Variants in USP46 observed in about 807,000 individuals in gnomAD.
The protein encoded by USP46 is ubiquitin specific peptidase 46.
USP46 carries 12 observed loss-of-function variants against 44.4 expected under a neutral mutation model. The observed-to-expected ratio is 0.27, with a 90% CI of 0.17 to 0.44. The LOEUF (loss-of-function observed/expected upper bound fraction) is 0.44, where lower values mean the gene tolerates loss of function less well. Among genes scored for constraint, USP46 ranks in the 20% least tolerant of loss-of-function variants. The pLI is 1.00. For missense variants in USP46, 248 were observed against 444.8 expected, an observed-to-expected ratio of 0.56 and a Z score of 3.98; for synonymous variants, 155 against 161.5, an observed-to-expected ratio of 0.96 and a Z score of 0.31.
chr4:52,634,685 A>T (rs1157026289), intron 1 of USP46, among the ~76,000 whole-genome samples: 2 of 151,946 alleles, frequency 1.3e-5, no homozygotes, highest in East Asian at 3.9e-4. Flanking sequence ...TCGGCCTCCC[A>T]AAGTGCTGGG....
chr4:52,616,263 T>A (rs1480579447), intron 4 of USP46, among the ~76,000 whole-genome samples: 2 of 152,222 alleles, frequency 1.3e-5, no homozygotes, highest in African/African-American at 4.8e-5. Flanking sequence ...CACAGGGCTG[T>A]CCCCAACAAC....
At chr4:52,642,776 T>C (rs1375626338) in intron 1 of USP46, among the ~76,000 whole-genome samples, 1 of 152,132 alleles carries the variant, frequency 6.6e-6, no homozygotes, top group South Asian at 2.1e-4. Flanking sequence ...AAACAAATAA[T>C]GTCAACTTTT....
chr4:52,618,040 G>A (rs1717230198), intron 4 of USP46, among the ~76,000 whole-genome samples: 1 of 152,156 alleles, frequency 6.6e-6, no homozygotes, highest in Non-Finnish European at 1.5e-5. Context: ...ATTACAGAAA[G>A]GGTATACCTT....
intron 5 of USP46, among the ~76,000 whole-genome samples, chr4:52,605,421 C>T (rs1716649638): frequency 6.6e-6 from 1 of 152,200 alleles, no homozygotes; most frequent in Non-Finnish European, 1.5e-5. Flanking sequence ...AAAAGAACAT[C>T]TGGACTAATA....
intron 1 of USP46, among the ~76,000 whole-genome samples, chr4:52,634,054 C>A (rs1489603106): frequency 6.6e-6 from 1 of 152,166 alleles, no homozygotes; most frequent in Non-Finnish European, 1.5e-5. Context: ...GGGCCCTGAT[C>A]CTTGGCGCTG....
At chr4:52,636,440 G>T (rs1331555984) in intron 1 of USP46, among the ~76,000 whole-genome samples, 2 of 152,040 alleles carry the variant, frequency 1.3e-5, no homozygotes, top group South Asian at 2.1e-4. Flanking sequence ...AGGCGCGGTG[G>T]CTCACGTCTG....
At chr4:52,653,308 C>A (rs913949799) in intron 1 of USP46, among the ~76,000 whole-genome samples, 2 of 151,832 alleles carry the variant, frequency 1.3e-5, no homozygotes, top group African/African-American at 2.4e-5. Context: ...GAGTTTGAGA[C>A]CAGCCTGGCC....
intron 1 of USP46, among the ~76,000 whole-genome samples, chr4:52,646,309 A>T (rs1348995850): frequency 6.6e-6 from 1 of 152,204 alleles, no homozygotes; most frequent in Non-Finnish European, 1.5e-5. Flanking sequence ...CTGGGTCAGT[A>T]TTGCACCATC....
At chr4:52,641,288 G>A (rs1718332283) in intron 1 of USP46, among the ~76,000 whole-genome samples, 1 of 152,068 alleles carries the variant, frequency 6.6e-6, no homozygotes, top group Non-Finnish European at 1.5e-5. Flanking sequence ...AGTAAAAAAC[G>A]TAGTAACCTT....
chr4:52,617,032 T>C (rs1038700839), intron 4 of USP46, among the ~76,000 whole-genome samples: 2 of 152,200 alleles, frequency 1.3e-5, no homozygotes, highest in African/African-American at 2.4e-5. Flanking sequence ...AAAGGGACCA[T>C]TTTTCTACTT....
Position 52,649,253 on chromosome 4 carries a change from G to C in USP46, c.36+9862C>G, listed in dbSNP as rs144578977. 1.2e-3 allele frequency among the ~76,000 whole-genome samples: 177 copies of C among 152,290 alleles called. 1 individual carries two copies. Among genetic ancestry groups the C allele is most frequent in the African/African-American group, 4.0e-3 (166 of 41,556 alleles). On this transcript the variant is annotated intron_variant, in intron 1 of 8. Coordinates refer to ENST00000441222, the MANE Select transcript of USP46 (RefSeq NM_022832.4). ...GAGCAAACAGAAGGAAAATAATGAT[G>C]AACTAAAAGAGTGAGAATAATTATG...
intron 1 of USP46, among the ~76,000 whole-genome samples, chr4:52,653,539 T>G (rs1718846507): frequency 6.6e-6 from 1 of 151,888 alleles, no homozygotes; most frequent in Admixed American, 6.6e-5. Context: ...GATTGATTTT[T>G]GGGTGGCCTT....
intron 1 of USP46, among the ~76,000 whole-genome samples, chr4:52,644,610 T>C (rs1452615154): frequency 6.6e-6 from 1 of 151,884 alleles, no homozygotes; most frequent in Non-Finnish European, 1.5e-5. Context: ...TGCCTGATAA[T>C]CTGAGGTGGA....
chr4:52,645,224 C>CAAAAAA (rs74266163), intron 1 of USP46, among the ~76,000 whole-genome samples: 1 of 79,792 alleles, frequency 1.3e-5, no homozygotes, highest in Non-Finnish European at 2.7e-5. Flanking sequence ...GACTCTATCT[C>CAAAAAA]AAAAAAAAAA....
chr4:52,645,902 A>G (rs1262576479), intron 1 of USP46, among the ~76,000 whole-genome samples: 1 of 151,966 alleles, frequency 6.6e-6, no homozygotes, highest in Non-Finnish European at 1.5e-5. Context: ...AGTGTGTGGC[A>G]CTTTCCCTTT....
At chr4:52,615,398 G>T (rs376367692) in intron 4 of USP46, among the ~76,000 whole-genome samples, 1 of 152,084 alleles carries the variant, frequency 6.6e-6, no homozygotes, top group African/African-American at 2.4e-5. Flanking sequence ...AGATAAAATA[G>T]GTTTTAAGAT....
In USP46 at chr4:52,635,118, C is replaced by G. The variant is rs369292026; in HGVS notation, c.37-3974G>C. Among the ~76,000 whole-genome samples the G allele has an allele frequency of 1.8e-4, 27 of 149,740 alleles. No individual in the cohort carries two copies. The South Asian group carries it at 5.7e-3, about 31-fold the overall frequency. On this transcript the variant is annotated intron_variant, in intron 1 of 8. Transcript: ENST00000441222. ...TTTTTGCCTCCTTATACCCTCCAGG[C>G]AATGTTACCACTGGCTTCTTTTAAG...
At chr4:52,618,855 C>T (rs1273179264) in intron 4 of USP46, among the ~76,000 whole-genome samples, 1 of 152,130 alleles carries the variant, frequency 6.6e-6, no homozygotes, top group Admixed American at 6.6e-5. Context: ...CAATTTGAAC[C>T]TCTGCAAACA....
intron 1 of USP46, chr4:52,656,401 T>C (rs1718948542): frequency 2.3e-6 from 3 of 1,285,434 alleles, no homozygotes; most frequent in Admixed American, 4.8e-5. Flanking sequence ...AGCCTTCTCC[T>C]CTGGGAAGGA....
Sources: allele counts gnomAD v4.1 joint callset (sites outside exome capture counted in the v4.1 genomes callset), GRCh38; gene constraint gnomAD v4.1.1; transcripts MANE v1.5; gene names NCBI Gene and HGNC (gene_info 2026-07-23, HGNC 2026-07-21).